Variants in RAD54L2 observed in about 807,000 individuals in gnomAD.
RAD54L2 encodes the protein helicase ARIP4.
In RAD54L2, 27 loss-of-function variants were observed where a neutral mutation model predicts 138.4. That is an observed-to-expected ratio of 0.20 (90% CI 0.14 to 0.27). The LOEUF is 0.27. Among genes scored for constraint, RAD54L2 ranks in the 10% least tolerant of loss-of-function variants. The pLI is 1.00. For synonymous variants in RAD54L2, 644 were observed against 723.2 expected, an observed-to-expected ratio of 0.89 and a Z score of 1.76; for missense variants, 1,396 against 1,890.2, an observed-to-expected ratio of 0.74 and a Z score of 4.85.
At chr3:51,572,222 G>A (rs1365333240) in intron 2 of RAD54L2, among the ~76,000 whole-genome samples, 2 of 152,152 alleles carry the variant, frequency 1.3e-5, no homozygotes, top group African/African-American at 2.4e-5. Flanking sequence ...GCCGAGGTGG[G>A]TGGATCACCT....
At chr3:51,559,092 C>T (rs1325025713) in intron 2 of RAD54L2, among the ~76,000 whole-genome samples, 4 of 152,100 alleles carry the variant, frequency 2.6e-5, no homozygotes, top group African/African-American at 9.7e-5. Context: ...CCAGGCTGGT[C>T]TCAAACTCCT....
intron 3 of RAD54L2, among the ~76,000 whole-genome samples, chr3:51,607,751 C>T (rs1445259559): frequency 6.8e-5 from 10 of 147,326 alleles, no homozygotes; most frequent in South Asian, 2.2e-4. Context: ...ACTTCCCAGA[C>T]GGGGTGGCCG....
intron 2 of RAD54L2, among the ~76,000 whole-genome samples, chr3:51,581,605 G>C (rs1340593593): frequency 6.6e-6 from 1 of 152,136 alleles, no homozygotes; most frequent in African/African-American, 2.4e-5. Flanking sequence ...ATCGGTCTGG[G>C]CTCGAAAGCA....
At chr3:51,600,749 G>A (rs915983339) in intron 3 of RAD54L2, among the ~76,000 whole-genome samples, 7 of 152,150 alleles carry the variant, frequency 4.6e-5, no homozygotes, top group African/African-American at 1.7e-4. Context: ...CATAGATCAC[G>A]TGAGGTCAGG....
chr3:51,608,719 G>A lies in RAD54L2; in HGVS notation c.139+18160G>A, dbSNP rs370290514. Among the ~76,000 whole-genome samples the A allele has an allele frequency of 5.5e-3, 839 of 152,304 alleles. 13 individuals are homozygous for A. Among genetic ancestry groups the A allele is most frequent in the South Asian group, 0.048 (231 of 4,822 alleles). On this transcript the variant is annotated intron_variant, in intron 3 of 22. Coordinates refer to ENST00000684192, the MANE Select transcript of RAD54L2 (RefSeq NM_015106.4). Reference sequence around the variant, plus strand: ...CGCACGCCTGCAATCCCAGGCACTCGGCAGGCTGAGGCAGGAGAATCAGGC... The same window carrying A: ...CGCACGCCTGCAATCCCAGGCACTCAGCAGGCTGAGGCAGGAGAATCAGGC...
chr3:51,583,627 A>G (rs1553679867), intron 2 of RAD54L2, among the ~76,000 whole-genome samples: 1 of 139,864 alleles, frequency 7.1e-6, no homozygotes, highest in Non-Finnish European at 1.5e-5. Context: ...GGATTTCTCC[A>G]TGTTAGTCAG....
Position 51,588,808 on chromosome 3 carries a change from T to C in RAD54L2, c.-54-1559T>C, listed in dbSNP as rs559849415. On this transcript the variant is annotated intron_variant, in intron 2 of 22. Transcript: ENST00000684192. ...AGGTTAGCAAATGATGGACTGAATG[T>C]GAATGAATGAATAACTTGGGTAAAA... Among the ~76,000 whole-genome samples the C allele has an allele frequency of 2.0e-5, 3 of 152,314 alleles. No individual in the cohort carries two copies. The South Asian group carries it at 6.2e-4, about 32-fold the overall frequency.
rs768354274 is a variant in RAD54L2 at position 51,626,436 on chromosome 3, C to CTTTTTTTTTTTTTTTTTTTTTTTTT, written c.140-1115_140-1091dup. ...TGACATCCCCTGGACCCCCAACGAT[C>CTTTTTTTTTTTTTTTTTTTTTTTTT]TTTTTTTTTTTTTTTTTTTTTTTTT... is the stretch of plus-strand genomic sequence containing the variant. On this transcript the variant is annotated intron_variant, in intron 3 of 22. Coordinates refer to ENST00000684192, the MANE Select transcript of RAD54L2 (RefSeq NM_015106.4). Among the ~76,000 whole-genome samples the CTTTTTTTTTTTTTTTTTTTTTTTTT allele has an allele frequency of 1.3e-4, 5 of 39,392 alleles. 2 individuals are homozygous for CTTTTTTTTTTTTTTTTTTTTTTTTT. The highest frequency in any genetic ancestry group is 5.6e-4 in the African/African-American group (5 of 8,970). 25.8% of individuals were successfully genotyped at this position (39,392 alleles called of 152,430 possible). A position where few individuals can be genotyped will look rare whatever the true frequency, so the allele number is the denominator to read the frequency against.
intron 6 of RAD54L2, 142 bp downstream of exon 6, chr3:51,630,530 TAA>T (rs1188872717): frequency 2.6e-5 from 26 of 993,486 alleles, no homozygotes; most frequent in Non-Finnish European, 3.5e-5. Context: ...TTGGTAAATA[TAA>T]GTTTTTTGCT....
At chr3:51,599,549 T>G (rs111349619) in intron 3 of RAD54L2, among the ~76,000 whole-genome samples, 3,701 of 152,092 alleles carry the variant, frequency 0.024, 75 homozygotes, top group Non-Finnish European at 0.032. Context: ...AAGTAGCTTT[T>G]CTTTTCTTTT....
chr3:51,539,904 A>G (rs1430814833), intron 1 of RAD54L2, among the ~76,000 whole-genome samples: 3 of 152,142 alleles, frequency 2.0e-5, no homozygotes, highest in Non-Finnish European at 4.4e-5. Flanking sequence ...CACGTAGAGG[A>G]CAGTGTGGAC....
intron 7 of RAD54L2, among the ~76,000 whole-genome samples, chr3:51,632,585 A>G (rs567914743): frequency 2.0e-3 from 291 of 145,058 alleles, no homozygotes; most frequent in Admixed American, 4.4e-3. Flanking sequence ...ACGAGCCACC[A>G]TGCCTGGCCT....
At chr3:51,587,661 ACT>A (rs1044758587) in intron 2 of RAD54L2, among the ~76,000 whole-genome samples, 1 of 151,876 alleles carries the variant, frequency 6.6e-6, no homozygotes, top group African/African-American at 2.4e-5. Flanking sequence ...GTTATTTCTA[ACT>A]CTGAACAATT....
chr3:51,655,071 CA>C (rs982006380), intron 19 of RAD54L2, among the ~76,000 whole-genome samples: 1 of 152,106 alleles, frequency 6.6e-6, no homozygotes, highest in Non-Finnish European at 1.5e-5. Context: ...AGGGGCTGAC[CA>C]AAGGGGCCTT....
At chr3:51,563,235 T>C (rs1699139331) in intron 2 of RAD54L2, among the ~76,000 whole-genome samples, 1 of 152,308 alleles carries the variant, frequency 6.6e-6, no homozygotes, top group Admixed American at 6.5e-5. Context: ...TTAAAAAACC[T>C]GAGTAGGTAA....
rs753160977 is a variant in RAD54L2 at position 51,641,884 on chromosome 3, G to A, written c.2350+17G>A. On this transcript the variant is annotated intron_variant, in intron 15 of 22. Transcript: ENST00000684192. ...GCTACTTCCGTGAGTTCATTGTTGC[G>A]TTGTTCTTGAAGCCTTGGCAAGGTC... 24 of 1,537,494 alleles carry A rather than the reference G, an allele frequency of 1.6e-5. No individual in the cohort carries two copies. Among genetic ancestry groups the A allele is most frequent in the Admixed American group, 1.4e-4 (7 of 51,820 alleles).
intron 21 of RAD54L2, among the ~76,000 whole-genome samples, chr3:51,659,352 G>A (rs1476398219): frequency 2.0e-5 from 3 of 151,986 alleles, no homozygotes; most frequent in African/African-American, 7.3e-5. Context: ...TGATCCACCC[G>A]CCTCGGCCTC....
At chr3:51,585,412 T>C (rs1699688837) in intron 2 of RAD54L2, among the ~76,000 whole-genome samples, 1 of 152,218 alleles carries the variant, frequency 6.6e-6, no homozygotes, top group African/African-American at 2.4e-5. Flanking sequence ...CGGAGTCTTA[T>C]GATTTCAGTG....
At chr3:51,661,154 G>T (rs1047096880) in intron 22 of RAD54L2, among the ~76,000 whole-genome samples, 1 of 151,868 alleles carries the variant, frequency 6.6e-6, no homozygotes, top group Non-Finnish European at 1.5e-5. Flanking sequence ...TAGAGATGGG[G>T]TTTCACCATG....
Sources: gnomAD v4.1 joint callset for allele counts (sites outside exome capture counted in the v4.1 genomes callset) on GRCh38, gnomAD v4.1.1 for gene constraint, MANE v1.5 for transcripts, NCBI Gene and HGNC (gene_info 2026-07-23, HGNC 2026-07-21) for gene names.